FBXO41: variants seen among roughly 807,000 people sequenced by gnomAD.
FBXO41 encodes F-box protein 41.
A neutral mutation model predicts 81.6 loss-of-function variants in FBXO41; 33 were observed. The ratio of observed to expected loss-of-function variants is 0.40; its 90% CI spans 0.31 to 0.54. The LOEUF is 0.54. FBXO41 is among the 20% of genes least tolerant of loss of function. The pLI, the probability that FBXO41 is intolerant of heterozygous loss-of-function variation, is 0.39. For synonymous variants in FBXO41, 576 were observed against 552.7 expected, an observed-to-expected ratio of 1.04 and a Z score of -0.59; for missense variants, 1,107 against 1,236.0, an observed-to-expected ratio of 0.90 and a Z score of 1.56.
In FBXO41 at chr2:73,256,198, A is replaced by G. The variant is rs1687805817; in HGVS notation, c.*2784T>C. 6.6e-6 allele frequency: 1 copy of G among 152,204 alleles called. No individual in the cohort carries two copies. Among genetic ancestry groups the G allele is most frequent in the South Asian group, 2.1e-4 (1 of 4,830 alleles). 9.4% of individuals were successfully genotyped at this position (152,204 alleles called of 1,614,324 possible). ...TTGCTCTCAGATATTCCTTTCTTGC[A>G]TCTTACTGGGTATGAGATGTGAAGG... On this transcript the variant is annotated 3_prime_UTR_variant, in exon 13 of 13. Transcript: ENST00000520530.
Position 73,269,604 on chromosome 2 carries a change from G to A in FBXO41, c.27C>T (p.Arg9=). ...GCTTGTGCTCCCCGCAGCGGGGGCA[G>A]CGGTACGGCAGGTCCAGCGAGGCCA... MASLDLPY[R]CPRCGEHKRF... Residue 9 remains arginine (R), a synonymous_variant, in exon 2 of 13, where the codon CGC becomes CGT. Transcript: ENST00000520530. This position sits in a 1 kb window ranked among gnomAD's most constrained non-coding sequence, Gnocchi z 7.0. 1 of 1,305,364 alleles carries A rather than the reference G, an allele frequency of 7.7e-7. No homozygotes were observed. The highest frequency in any genetic ancestry group is 9.8e-7 in the Non-Finnish European group (1 of 1,017,170). The allele number at this position is 1,305,364 out of a possible 1,614,324, so 80.9% of individuals were successfully genotyped here. A position where few individuals can be genotyped will look rare whatever the true frequency, so the allele number is the denominator to read the frequency against.
rs1057173417 is a variant in FBXO41 at position 73,259,496 on chromosome 2, A to G, written c.2450-200T>C. 2.0e-5 allele frequency among the ~76,000 whole-genome samples: 3 copies of G among 152,188 alleles called. No homozygotes were observed. Among genetic ancestry groups the G allele is most frequent in the Non-Finnish European group, 4.4e-5 (3 of 68,026 alleles). On this transcript the variant is annotated intron_variant, in intron 11 of 12. Transcript: ENST00000520530. The surrounding 1 kb of genome is among the most constrained non-coding windows in gnomAD (Gnocchi z 4.2). The stretch of plus-strand genomic sequence containing the variant: ...GGGGCTGAGGCACAGGAGAGGCTGC[A>G]TTGGCCTCTGGGAGGGTGAGTGGGC...
At chr2:73,274,210 A>G (rs1244060417) in intron 1 of FBXO41, among the ~76,000 whole-genome samples, 2 of 152,160 alleles carry the variant, frequency 1.3e-5, no homozygotes, top group African/African-American at 4.8e-5. Context: ...GCTCTTGCCA[A>G]TTTGAAACTG....
chr2:73,265,184 G>C, intron 5 of FBXO41, 98 bp downstream of exon 5: 1 of 1,180,154 alleles, frequency 8.5e-7, no homozygotes, highest in Middle Eastern at 2.9e-4. Flanking sequence ...CTATGTAGGA[G>C]GGGTGGGCAA....
intron 1 of FBXO41, chr2:73,270,737 CCTCA>C: frequency 1.9e-6 from 1 of 521,494 alleles, no homozygotes; most frequent in Non-Finnish European, 3.9e-6. Flanking sequence ...TCCCAACCCT[CCTCA>C]CTGTCAACTC....
At chr2:73,280,663 G>A (rs1469829892) in intron 1 of FBXO41, among the ~76,000 whole-genome samples, 1 of 152,136 alleles carries the variant, frequency 6.6e-6, no homozygotes, top group Non-Finnish European at 1.5e-5. Flanking sequence ...TTTCCATCAA[G>A]CCTTCCTTGA....
Position 73,268,890 on chromosome 2 carries a change from T to A in FBXO41, c.741A>T (p.Glu247Asp). 1 of 1,553,604 alleles carries A rather than the reference T, an allele frequency of 6.4e-7. No individual in the cohort carries two copies. The highest frequency in any genetic ancestry group is 8.7e-7 in the Non-Finnish European group (1 of 1,151,890). The change falls in exon 2 of 13, where the codon GAA becomes GAT. Residue 247 changes from glutamate to aspartate, a missense_variant. Physicochemically the swap from Glu to Asp is conservative, Grantham distance 45 (BLOSUM62 2). This residue lies in a region of FBXO41 where 771 missense variants were observed against 789.2 expected (regional missense o/e 0.98). Coordinates refer to ENST00000520530, the MANE Select transcript of FBXO41 (RefSeq NM_001371389.2). ...LQAELERKAA[E>D]LETARQESAR... ...CACTCTCCTGCCGCGCAGTCTCCAG[T>A]TCGGCCGCCTTGCGCTCCAGCTCGG...
rs1688199704 is a variant in FBXO41 at position 73,265,216 on chromosome 2, G to C, written c.1564+66C>G. On this transcript the variant is annotated intron_variant, in intron 5 of 12. Coordinates refer to ENST00000520530, the MANE Select transcript of FBXO41 (RefSeq NM_001371389.2). ...GCAAGTCTGGGGAAAGGGGAGGGGG[G>C]TGCAGGAGCCCAGGAGATTCACTGC... 5 of 1,427,168 alleles carry C rather than the reference G, an allele frequency of 3.5e-6. No individual in the cohort carries two copies. The Admixed American group carries it at 6.6e-5, about 19-fold the overall frequency. The allele number at this position is 1,427,168 out of a possible 1,614,324, so 88.4% of individuals were successfully genotyped here.
rs1329286725 is a variant in FBXO41 at position 73,276,599 on chromosome 2, AGAGAGGGAGAGAGGGAGAGAGG to A, written c.-138-6853_-138-6832del. ...GAGAGAGAGAGAGAGAGAGAGAGAG[AGAGAGGGAGAGAGGGAGAGAGG>A]GAGAGAATGCATTTATATATAACAC... On this transcript the variant is annotated intron_variant, in intron 1 of 12. Coordinates refer to ENST00000520530, the MANE Select transcript of FBXO41 (RefSeq NM_001371389.2). Among the ~76,000 whole-genome samples, 885 of 95,158 alleles carry A rather than the reference AGAGAGGGAGAGAGGGAGAGAGG, an allele frequency of 9.3e-3. 29 individuals carry two copies. Among genetic ancestry groups the A allele is most frequent in the African/African-American group, 0.029 (510 of 17,576 alleles). The allele number at this position is 95,158 out of a possible 152,430, so 62.4% of individuals were successfully genotyped here.
chr2:73,267,331 G>T (rs146846460), intron 2 of FBXO41, among the ~76,000 whole-genome samples: 6 of 152,152 alleles, frequency 3.9e-5, no homozygotes, highest in Non-Finnish European at 8.8e-5. Flanking sequence ...ATACTTGCAG[G>T]AACCTTCAAA....
Position 73,263,805 on chromosome 2 carries a change from A to T in FBXO41, c.1948T>A (p.Ser650Thr). 1 of 1,613,920 alleles carries T rather than the reference A, an allele frequency of 6.2e-7. No homozygotes were observed. Among genetic ancestry groups the T allele is most frequent in the African/African-American group, 1.3e-5 (1 of 75,010 alleles). The change falls in exon 8 of 13, where the codon TCC becomes ACC. Residue 650 changes from serine to threonine, a missense_variant. Physicochemically the swap from Ser to Thr is moderately conservative, Grantham distance 58 (BLOSUM62 1). Around this residue, in one of 2 missense-constraint regions of FBXO41, gnomAD observed 336 missense variants for 446.7 expected, o/e 0.75. Transcript: ENST00000520530. ...TTCCCCCCAGCTGCCTTCAGCAGGG[A>T]CTCCAGCCCAGCTTCCAGGCAGCCC... is the stretch of plus-strand genomic sequence containing the variant. ...TRGCLEAGLESLLKAAGGNLL... is the reference protein window; with the variant it reads ...TRGCLEAGLETLLKAAGGNLL...
rs756124881 is a variant in FBXO41, at chr2:73,258,793, G to T, written c.*189C>A. On this transcript the variant is annotated 3_prime_UTR_variant, in exon 13 of 13. Transcript: ENST00000520530. ...TCTGTCCAAGCCCCTGTACTGGGGA[G>T]GCAGTGCCCTGGGTCAGGCCTGTTG... 1 of 634,192 alleles carries T rather than the reference G, an allele frequency of 1.6e-6. No individual in the cohort carries two copies. Among genetic ancestry groups the T allele is most frequent in the Non-Finnish European group, 2.6e-6 (1 of 377,770 alleles). 39.3% of individuals were successfully genotyped at this position (634,192 alleles called of 1,614,324 possible). A position where few individuals can be genotyped will look rare whatever the true frequency, so the allele number is the denominator to read the frequency against.
chr2:73,280,030 A>G (rs1184960218), intron 1 of FBXO41, among the ~76,000 whole-genome samples: 1 of 152,016 alleles, frequency 6.6e-6, no homozygotes, highest in African/African-American at 2.4e-5. Context: ...ATGCCCCAAC[A>G]CCCGCCTTCA....
chr2:73,264,184 AG>A, intron 6 of FBXO41, 93 bp downstream of exon 6: 3 of 1,584,928 alleles, frequency 1.9e-6, no homozygotes, highest in Non-Finnish European at 2.6e-6. Context: ...CAGTGTTGTA[AG>A]GGTTGCAAGG....
chr2:73,278,201 G>C (rs1688750230), intron 1 of FBXO41, among the ~76,000 whole-genome samples: 1 of 152,176 alleles, frequency 6.6e-6, no homozygotes, highest in South Asian at 2.1e-4. Flanking sequence ...ATGCATGGTG[G>C]GGAACAAGGT....
At chr2:73,275,901 C>T (rs1244902345) in intron 1 of FBXO41, among the ~76,000 whole-genome samples, 1 of 150,114 alleles carries the variant, frequency 6.7e-6, no homozygotes, top group Non-Finnish European at 1.5e-5. Context: ...ATTCTCCCGC[C>T]TCAGCCTCCT....
intron 1 of FBXO41, among the ~76,000 whole-genome samples, chr2:73,279,760 G>A (rs1688794895): frequency 1.3e-5 from 2 of 152,110 alleles, no homozygotes; most frequent in South Asian, 4.1e-4. Context: ...AGGCAGCATG[G>A]GAGAATCCAG....
In FBXO41 at chr2:73,264,493, C is replaced by A; in HGVS notation, c.1591G>T (p.Gly531Cys). The change falls in exon 6 of 13, where the codon GGT (glycine) becomes TGT (cysteine). Residue 531 changes from glycine (G) to cysteine (C), a missense_variant. Physicochemically the swap from Gly to Cys is radical, Grantham distance 159. Transcript: ENST00000520530. ...SARPEGGSGR[G>C]RRAERVSPSR... Reference sequence around the variant, plus strand: ...GGGCTGACCCTCTCTGCTCGCCGACCCCGCCCACTGCCTCCCTCGGGGCGG... The same window carrying A: ...GGGCTGACCCTCTCTGCTCGCCGACACCGCCCACTGCCTCCCTCGGGGCGG... 6.2e-7 allele frequency: 1 copy of A among 1,613,734 alleles called. No individual in the cohort carries two copies. Among genetic ancestry groups the A allele is most frequent in the African/African-American group, 1.3e-5 (1 of 75,024 alleles).
chr2:73,278,934 G>A (rs1440993084), intron 1 of FBXO41, among the ~76,000 whole-genome samples: 1 of 152,230 alleles, frequency 6.6e-6, no homozygotes, highest in Non-Finnish European at 1.5e-5. Context: ...GCATGGGGCA[G>A]GTGCTCATGG....
Sources: allele counts gnomAD v4.1 joint callset (sites outside exome capture counted in the v4.1 genomes callset), GRCh38; gene constraint gnomAD v4.1.1; regional missense constraint gnomAD v4.1.1; non-coding constraint Gnocchi (gnomAD v3.1); transcripts MANE v1.5; gene names NCBI Gene and HGNC (gene_info 2026-07-23, HGNC 2026-07-21).